MYLK: variants seen among roughly 807,000 people sequenced by gnomAD.
MYLK encodes myosin light chain kinase, also known as myosin light chain kinase, smooth muscle.
MYLK carries 106 observed loss-of-function variants against 203.4 expected under a neutral mutation model. The observed-to-expected ratio is 0.52, with a 90% CI of 0.45 to 0.61. The LOEUF is 0.61. Among genes scored for constraint, MYLK ranks in the 20% least tolerant of loss-of-function variants. The probability of loss-of-function intolerance (pLI) is 0.00; values close to 1 mark genes in which losing one functional copy is unlikely to be tolerated. For synonymous variants in MYLK, 867 were observed against 959.5 expected (o/e 0.90, Z 1.78); for missense variants, 2,072 against 2,442.3 (o/e 0.85, Z 3.20).
intron 19 of MYLK, among the ~76,000 whole-genome samples, chr3:123,686,041 G>A (rs2108482695): frequency 6.6e-6 from 1 of 152,370 alleles, no homozygotes. Context: ...GCGAACTGCA[G>A]CAAGGAGTGG....
intron 5 of MYLK, among the ~76,000 whole-genome samples, chr3:123,747,800 T>C (rs1420981248): frequency 6.6e-6 from 1 of 152,234 alleles, no homozygotes; most frequent in African/African-American, 2.4e-5. Context: ...CCTGGGCTCC[T>C]GAGCTTATGT....
intron 5 of MYLK, among the ~76,000 whole-genome samples, chr3:123,745,700 A>G (rs1455261790): frequency 1.3e-5 from 2 of 152,186 alleles, no homozygotes; most frequent in South Asian, 4.2e-4. Context: ...CTCTTTCTAC[A>G]GGCCAGACCT....
chr3:123,711,416 G>A (rs763743662), intron 13 of MYLK, among the ~76,000 whole-genome samples: 17 of 152,218 alleles, frequency 1.1e-4, no homozygotes, highest in Non-Finnish European at 2.2e-4. Flanking sequence ...GACAGGGAGT[G>A]TGTCGGCAAG....
chr3:123,681,864 C>T lies in MYLK; in HGVS notation c.3652+360G>A, dbSNP rs141249500. 449 of 342,604 alleles carry T rather than the reference C, an allele frequency of 1.3e-3. 3 individuals are homozygous for T. Among genetic ancestry groups the T allele is most frequent in the African/African-American group, 8.9e-3 (424 of 47,396 alleles). The allele number at this position is 342,604 out of a possible 1,614,324, so 21.2% of individuals were successfully genotyped here. A position where few individuals can be genotyped will look rare whatever the true frequency, so the allele number is the denominator to read the frequency against. ...GATCAGAGTTACAATCCAGAAAGAG[C>T]CCCTGGGAGGGCAGGATCAACTGGG... On this transcript the variant is annotated intron_variant, in intron 20 of 33. Transcript: ENST00000360304.
chr3:123,735,535 C>A, intron 8 of MYLK, 119 bp from the exon 9 acceptor site: 2 of 1,148,984 alleles, frequency 1.7e-6, no homozygotes, highest in South Asian at 1.2e-5. Flanking sequence ...TCCAGCTTCC[C>A]TGGTGCTGAA....
chr3:123,673,802 G>A (rs1200394407), intron 20 of MYLK, among the ~76,000 whole-genome samples: 1 of 152,120 alleles, frequency 6.6e-6, no homozygotes, highest in Admixed American at 6.5e-5. Flanking sequence ...ATCCTAGAAG[G>A]AAAATAAAAC....
At chr3:123,666,368 G>A in intron 21 of MYLK, 22 bp from the exon 22 acceptor site, 1 of 1,614,130 alleles carries the variant, frequency 6.2e-7, no homozygotes, top group Non-Finnish European at 8.5e-7. Context: ...CAGGGAGAAA[G>A]TGAGCGAGGC....
rs1288828763 is a variant in MYLK, at chr3:123,612,541, T to TA, written c.*1563dup. On this transcript the variant is annotated 3_prime_UTR_variant, in exon 34 of 34. Transcript: ENST00000360304. Reference sequence around the variant, plus strand: ...AAAGCTTTGAATGCGCTAAATCAAATAAAAACCCTTTATTATAATAAACTG... The same window carrying TA: ...AAAGCTTTGAATGCGCTAAATCAAATAAAAAACCCTTTATTATAATAAACTG... 6.6e-6 allele frequency: 1 copy of TA among 152,520 alleles called. No homozygotes were observed. Among genetic ancestry groups the TA allele is most frequent in the Non-Finnish European group, 1.5e-5 (1 of 67,992 alleles). 9.4% of individuals were successfully genotyped at this position (152,520 alleles called of 1,614,324 possible).
chr3:123,768,034 T>G (rs2063761956), intron 4 of MYLK, among the ~76,000 whole-genome samples: 1 of 152,180 alleles, frequency 6.6e-6, no homozygotes, highest in African/African-American at 2.4e-5. Flanking sequence ...TCCTGGCCTC[T>G]CAGCAGCAGC....
In MYLK at chr3:123,732,981, G is replaced by C; in HGVS notation, c.1431C>G (p.Ala477=). 6.2e-7 allele frequency: 1 copy of C among 1,614,182 alleles called. No homozygotes were observed. The highest frequency in any genetic ancestry group is 8.5e-7 in the Non-Finnish European group (1 of 1,180,026). Residue 477 remains alanine (A), a synonymous_variant, in exon 11 of 34, where the codon GCC becomes GCG. Transcript: ENST00000360304. ...TGTATGTCCCACTGTCCCTGGTCCG[G>C]GCTTTCAGCAGGCAGAGGTAATGGG... is the stretch of plus-strand genomic sequence containing the variant. ...AGSHYLCLLK[A]RTRDSGTYSC...
intron 24 of MYLK, among the ~76,000 whole-genome samples, chr3:123,653,868 C>G (rs937584737): frequency 6.6e-6 from 1 of 152,174 alleles, no homozygotes; most frequent in African/African-American, 2.4e-5. Context: ...ACACTGCAAT[C>G]TTACTCCTTT....
chr3:123,811,571 C>T (rs998339032), intron 3 of MYLK, among the ~76,000 whole-genome samples: 6 of 152,176 alleles, frequency 3.9e-5, no homozygotes, highest in Admixed American at 1.3e-4. Flanking sequence ...ATTCCACACC[C>T]TACCGGGGAC....
At chr3:123,663,620 G>A (rs369771641) in intron 23 of MYLK, among the ~76,000 whole-genome samples, 1 of 152,124 alleles carries the variant, frequency 6.6e-6, no homozygotes, top group African/African-American at 2.4e-5. Flanking sequence ...AAGTAGGGAT[G>A]GTGGAGCCCC....
Position 123,733,674 on chromosome 3 carries a change from T to C in MYLK, c.1309+13A>G. On this transcript the variant is annotated intron_variant, in intron 10 of 33. Transcript: ENST00000360304. The stretch of plus-strand genomic sequence containing the variant: ...CATTTTGGCAATCGGTGACCCTAAT[T>C]ACCTCTACTCACCTTCACATCTGAA... 1 of 1,613,670 alleles carries C rather than the reference T, an allele frequency of 6.2e-7. No homozygotes were observed. The highest frequency in any genetic ancestry group is 8.5e-7 in the Non-Finnish European group (1 of 1,180,020).
chr3:123,662,716 T>A (rs1034321003), intron 23 of MYLK, among the ~76,000 whole-genome samples: 1 of 152,224 alleles, frequency 6.6e-6, no homozygotes, highest in Admixed American at 6.5e-5. Context: ...TGCCCACGTG[T>A]GTGTGCACCA....
chr3:123,847,927 T>C (rs888796845), intron 2 of MYLK, among the ~76,000 whole-genome samples: 6 of 152,128 alleles, frequency 3.9e-5, no homozygotes, highest in Admixed American at 3.9e-4. Flanking sequence ...CCAGTTTCTA[T>C]CCTCTTAGAC....
rs532355218 is a variant in MYLK at position 123,687,083 on chromosome 3, G to C, written c.3566-4773C>G. On this transcript the variant is annotated intron_variant, in intron 19 of 33. Coordinates refer to ENST00000360304, the MANE Select transcript of MYLK (RefSeq NM_053025.4). The stretch of plus-strand genomic sequence containing the variant: ...CTAAAAATACAAAAATTAGCTGGGC[G>C]TGTTGGCGGGTGCCTGTAACCTCAG... Among the ~76,000 whole-genome samples, 4 of 152,250 alleles carry C rather than the reference G, an allele frequency of 2.6e-5. No homozygotes were observed. In the East Asian group the frequency reaches 7.7e-4, roughly 29 times the overall value.
At chr3:123,803,130 G>A (rs12186069) in intron 3 of MYLK, among the ~76,000 whole-genome samples, 26,068 of 152,098 alleles carry the variant, frequency 0.17, 2,847 homozygotes, top group Non-Finnish European at 0.24. Flanking sequence ...GTGGCTTGAG[G>A]CAATTGACAA....
intron 20 of MYLK, chr3:123,681,826 C>T: frequency 3.6e-6 from 1 of 275,450 alleles, no homozygotes; most frequent in Non-Finnish European, 7.2e-6. Context: ...CATATTTCAA[C>T]CAGGAGTGAT....
Sources: allele counts gnomAD v4.1 joint callset (sites outside exome capture counted in the v4.1 genomes callset), GRCh38; gene constraint gnomAD v4.1.1; transcripts MANE v1.5; gene names NCBI Gene and HGNC (gene_info 2026-07-23, HGNC 2026-07-21).